SCAPER: variants seen among roughly 807,000 people sequenced by gnomAD.
The protein encoded by SCAPER is S phase cyclin A-associated protein in the endoplasmic reticulum.
SCAPER carries 98 observed loss-of-function variants against 182.2 expected under a neutral mutation model. The observed-to-expected ratio is 0.54, with a 90% CI of 0.46 to 0.64. The LOEUF (loss-of-function observed/expected upper bound fraction) is 0.64, where lower values mean the gene tolerates loss of function less well. SCAPER is among the 30% of genes least tolerant of loss of function. The pLI, the probability that SCAPER is intolerant of heterozygous loss-of-function variation, is 0.00. For missense variants in SCAPER, 1,432 were observed against 1,690.0 expected (o/e 0.85, Z 2.68); for synonymous variants, 605 against 564.6 (o/e 1.07, Z -1.01).
chr15:76,792,336 C>T (rs566577450), intron 8 of SCAPER, among the ~76,000 whole-genome samples: 171 of 152,174 alleles, frequency 1.1e-3, no homozygotes, highest in African/African-American at 3.9e-3. Context: ...AAGGCTGATA[C>T]TATAATTGAG....
At chr15:76,380,931 C>T (rs999276313) in intron 28 of SCAPER, 6 of 152,460 alleles carry the variant, frequency 3.9e-5, no homozygotes, top group South Asian at 2.1e-4. Context: ...GTTCTATTTA[C>T]GTAAGAAACC....
At chr15:76,867,392 C>T (rs1004493766) in intron 2 of SCAPER, among the ~76,000 whole-genome samples, 1 of 152,186 alleles carries the variant, frequency 6.6e-6, no homozygotes, top group Non-Finnish European at 1.5e-5. Context: ...GATTACTAGT[C>T]ATGCAGCTTA....
chr15:76,473,712 C>A (rs2050384479), intron 24 of SCAPER, among the ~76,000 whole-genome samples: 1 of 152,088 alleles, frequency 6.6e-6, no homozygotes, highest in Admixed American at 6.6e-5. Flanking sequence ...GTAGTTCTGC[C>A]ACATATTCAA....
intron 26 of SCAPER, among the ~76,000 whole-genome samples, chr15:76,431,721 C>T (rs2046886159): frequency 1.0e-5 from 1 of 96,318 alleles, no homozygotes; most frequent in Non-Finnish European, 1.9e-5. Context: ...GTTTGCTAAA[C>T]TAGGCAGATG....
chr15:76,495,577 CAAAAAAAAAAAAA>C (rs71444987), intron 24 of SCAPER, among the ~76,000 whole-genome samples: 1 of 56,956 alleles, frequency 1.8e-5, no homozygotes, highest in South Asian at 1.0e-3. Context: ...GACTTGGTCT[CAAAAAAAAAAAAA>C]AAAAAAAAAA....
intron 5 of SCAPER, among the ~76,000 whole-genome samples, chr15:76,819,339 T>C (rs953648027): frequency 2.6e-5 from 4 of 152,156 alleles, no homozygotes; most frequent in African/African-American, 9.7e-5. Context: ...CACCCCCCAG[T>C]AGGGGCAGAC....
intron 24 of SCAPER, among the ~76,000 whole-genome samples, chr15:76,471,862 C>T (rs1036372995): frequency 6.6e-6 from 1 of 152,146 alleles, no homozygotes; most frequent in Non-Finnish European, 1.5e-5. Flanking sequence ...AGTGCCTGAG[C>T]AGATGAGGAC....
intron 24 of SCAPER, among the ~76,000 whole-genome samples, chr15:76,497,453 T>C (rs2040666991): frequency 6.6e-6 from 1 of 151,854 alleles, no homozygotes; most frequent in African/African-American, 2.4e-5. Flanking sequence ...TGACGAGGCA[T>C]GGATGTAATG....
At chr15:76,681,245 C>T (rs547537188) in intron 20 of SCAPER, among the ~76,000 whole-genome samples, 3 of 152,110 alleles carry the variant, frequency 2.0e-5, no homozygotes, top group Admixed American at 6.6e-5. Flanking sequence ...GGAGAACTTA[C>T]CCAATTTTCA....
At chr15:76,488,742 TTGAG>T (rs2051947064) in intron 24 of SCAPER, among the ~76,000 whole-genome samples, 1 of 88,388 alleles carries the variant, frequency 1.1e-5, no homozygotes, top group Admixed American at 1.3e-4. Flanking sequence ...TTTTTTTTTT[TTGAG>T]ACGGAGTCTC....
chr15:76,817,700 A>G (rs1033909608), intron 5 of SCAPER, among the ~76,000 whole-genome samples: 1 of 152,202 alleles, frequency 6.6e-6, no homozygotes, highest in Non-Finnish European at 1.5e-5. Context: ...ACAAATATAT[A>G]TGTAAATAAA....
At chr15:76,541,558 C>T (rs912403098) in intron 23 of SCAPER, among the ~76,000 whole-genome samples, 3 of 152,168 alleles carry the variant, frequency 2.0e-5, no homozygotes, top group South Asian at 2.1e-4. Context: ...GATGGGCTTA[C>T]GGATTCCTTG....
At chr15:76,753,980 T>A (rs768431361) in intron 14 of SCAPER, 32 bp from the exon 15 acceptor site, 1 of 1,604,592 alleles carries the variant, frequency 6.2e-7, no homozygotes. Context: ...ATCCTTAATT[T>A]CAATATATAC....
At chr15:76,617,730 G>A (rs985348758) in intron 22 of SCAPER, among the ~76,000 whole-genome samples, 4 of 152,166 alleles carry the variant, frequency 2.6e-5, no homozygotes, top group South Asian at 4.1e-4. Context: ...AGGCTTGGAA[G>A]TCACATATCA....
intron 18 of SCAPER, among the ~76,000 whole-genome samples, chr15:76,703,485 A>G (rs1286621512): frequency 6.6e-6 from 1 of 152,198 alleles, no homozygotes; most frequent in African/African-American, 2.4e-5. Flanking sequence ...CATCATGACC[A>G]AACCTATAAC....
At chr15:76,503,967 C>T (rs894341539) in intron 24 of SCAPER, among the ~76,000 whole-genome samples, 9 of 151,930 alleles carry the variant, frequency 5.9e-5, no homozygotes. Context: ...TTCACAGCAG[C>T]CTTGACCTCC....
At chr15:76,871,260 T>G (rs1440896950) in intron 2 of SCAPER, among the ~76,000 whole-genome samples, 1 of 151,296 alleles carries the variant, frequency 6.6e-6, no homozygotes, top group African/African-American at 2.4e-5. Context: ...ATACAAAAAA[T>G]TAACTGGGCA....
rs536092429 is a variant in SCAPER at position 76,784,369 on chromosome 15, T to C, written c.773-9252A>G. On this transcript the variant is annotated intron_variant, in intron 8 of 31. Coordinates refer to ENST00000563290, the MANE Select transcript of SCAPER (RefSeq NM_020843.4). ...CTTCAAGGAGAACCACAAACCACTA[T>C]TCAACAAAATAAAAGAGGACACAAA... is the stretch of plus-strand genomic sequence containing the variant. Among the ~76,000 whole-genome samples the C allele has an allele frequency of 3.9e-5, 6 of 152,154 alleles. 1 individual carries two copies. The highest frequency in any genetic ancestry group is 1.4e-4 in the African/African-American group (6 of 41,520).
At chr15:76,534,258 A>G (rs1296696327) in intron 23 of SCAPER, among the ~76,000 whole-genome samples, 1 of 152,234 alleles carries the variant, frequency 6.6e-6, no homozygotes. Context: ...AACAACTGAC[A>G]TCATGACTAG....
Sources: gnomAD v4.1 joint callset for allele counts (sites outside exome capture counted in the v4.1 genomes callset) on GRCh38, gnomAD v4.1.1 for gene constraint, MANE v1.5 for transcripts, NCBI Gene and HGNC (gene_info 2026-07-23, HGNC 2026-07-21) for gene names.